Variants in FRMD4A observed in about 807,000 individuals in gnomAD.
FRMD4A encodes FERM domain-containing protein 4A.
A neutral mutation model predicts 129.1 loss-of-function variants in FRMD4A; 29 were observed. That is an observed-to-expected ratio of 0.22 (90% CI 0.17 to 0.31). FRMD4A has a LOEUF of 0.31. Ranked by LOEUF, FRMD4A falls within the 10% of genes least tolerant of loss-of-function variation. The probability of loss-of-function intolerance (pLI) is 1.00; values close to 1 mark genes in which losing one functional copy is unlikely to be tolerated. For missense variants in FRMD4A, 1,272 were observed against 1,375.8 expected (o/e 0.92, Z 1.19); for synonymous variants, 634 against 571.6 (o/e 1.11, Z -1.56).
intron 2 of FRMD4A, among the ~76,000 whole-genome samples, chr10:14,028,010 C>T (rs1464730308): frequency 6.6e-6 from 1 of 152,060 alleles, no homozygotes; most frequent in Non-Finnish European, 1.5e-5. Context: ...CTTGAAGATA[C>T]ATTCATACAA....
chr10:13,986,486 G>A (rs2095581677), intron 2 of FRMD4A, among the ~76,000 whole-genome samples: 1 of 121,992 alleles, frequency 8.2e-6, no homozygotes. Context: ...ATCACACTCT[G>A]GGAACTGTTG....
chr10:14,190,157 TG>T (rs1336385087), intron 2 of FRMD4A, among the ~76,000 whole-genome samples: 5 of 152,172 alleles, frequency 3.3e-5, no homozygotes, highest in Non-Finnish European at 7.3e-5. Flanking sequence ...AGAAAAACTG[TG>T]GAACAGATTC....
At chr10:13,920,297 C>T (rs568493027) in intron 2 of FRMD4A, among the ~76,000 whole-genome samples, 12 of 152,166 alleles carry the variant, frequency 7.9e-5, no homozygotes, top group Non-Finnish European at 1.6e-4. Flanking sequence ...CAATGCTATC[C>T]TCCCCAACTC....
intron 8 of FRMD4A, among the ~76,000 whole-genome samples, chr10:13,757,703 T>C (rs1419313442): frequency 6.6e-6 from 1 of 152,214 alleles, no homozygotes; most frequent in Non-Finnish European, 1.5e-5. Context: ...GTTGTCTTTA[T>C]ATAGTTCTCT....
chr10:13,698,836 A>G (rs1043549402), intron 14 of FRMD4A, among the ~76,000 whole-genome samples: 2 of 152,168 alleles, frequency 1.3e-5, no homozygotes, highest in African/African-American at 4.8e-5. Flanking sequence ...CAGGCTGGGG[A>G]ACTGGTTCCT....
chr10:13,933,386 T>A (rs1180009979), intron 2 of FRMD4A, among the ~76,000 whole-genome samples: 1 of 152,182 alleles, frequency 6.6e-6, no homozygotes, highest in Non-Finnish European at 1.5e-5. Context: ...AACGAGGCCC[T>A]TGAGCCCCTA....
intron 3 of FRMD4A, among the ~76,000 whole-genome samples, chr10:13,832,350 G>A (rs1260770556): frequency 1.3e-5 from 2 of 152,114 alleles, no homozygotes; most frequent in Non-Finnish European, 2.9e-5. Flanking sequence ...ACAGACCCTC[G>A]TGCTTCGTCC....
At chr10:14,252,744 C>A (rs183527177) in intron 2 of FRMD4A, among the ~76,000 whole-genome samples, 1 of 152,326 alleles carries the variant, frequency 6.6e-6, no homozygotes, top group East Asian at 1.9e-4. Flanking sequence ...ACAAGAAGTG[C>A]CTTAAGGGGA....
intron 15 of FRMD4A, chr10:13,684,872 A>G (rs74854905): frequency 3.2e-5 from 4 of 126,020 alleles, no homozygotes; most frequent in African/African-American, 1.6e-4. Context: ...GACCTTAGAG[A>G]AAAAAAAAAA....
At chr10:14,126,533 C>A (rs1838851459) in intron 2 of FRMD4A, among the ~76,000 whole-genome samples, 2 of 152,150 alleles carry the variant, frequency 1.3e-5, no homozygotes, top group South Asian at 2.1e-4. Flanking sequence ...TAGGCACTAG[C>A]AATACCTTGG....
intron 2 of FRMD4A, among the ~76,000 whole-genome samples, chr10:14,281,410 C>T (rs1408821249): frequency 4.6e-5 from 7 of 152,304 alleles, no homozygotes; most frequent in East Asian, 3.9e-4. Context: ...CTGTTTATGC[C>T]GCAAGGCAAG....
intron 2 of FRMD4A, among the ~76,000 whole-genome samples, chr10:13,923,627 A>G (rs1015199074): frequency 1.3e-5 from 2 of 152,256 alleles, no homozygotes; most frequent in African/African-American, 2.4e-5. Context: ...CAGCTATACC[A>G]CATGTAATGC....
chr10:13,724,194 C>T (rs1197080219), intron 12 of FRMD4A, among the ~76,000 whole-genome samples: 1 of 152,194 alleles, frequency 6.6e-6, no homozygotes, highest in Admixed American at 6.5e-5. Flanking sequence ...CGAGACCATC[C>T]TGGCTAACAT....
intron 2 of FRMD4A, among the ~76,000 whole-genome samples, chr10:13,967,802 CTGGG>C (rs2095494444): frequency 6.6e-6 from 1 of 152,244 alleles, no homozygotes; most frequent in African/African-American, 2.4e-5. Flanking sequence ...TGCCAGCACT[CTGGG>C]AGGATGGGGC....
At chr10:13,672,858 G>A (rs1316881495) in intron 16 of FRMD4A, among the ~76,000 whole-genome samples, 1 of 152,214 alleles carries the variant, frequency 6.6e-6, no homozygotes, top group Non-Finnish European at 1.5e-5. Context: ...AGGCTATGGT[G>A]GGACTAACTA....
intron 2 of FRMD4A, among the ~76,000 whole-genome samples, chr10:13,897,918 C>A (rs2094776231): frequency 8.1e-6 from 1 of 122,832 alleles, no homozygotes; most frequent in African/African-American, 3.2e-5. Context: ...GCCTGGGTGA[C>A]AGACAGAGAC....
intron 2 of FRMD4A, among the ~76,000 whole-genome samples, chr10:14,029,677 T>G (rs1833144712): frequency 6.6e-6 from 1 of 152,180 alleles, no homozygotes; most frequent in Non-Finnish European, 1.5e-5. Flanking sequence ...AGTTACCTAT[T>G]TTCATGCCTG....
intron 2 of FRMD4A, among the ~76,000 whole-genome samples, chr10:13,978,223 G>T (rs535435544): frequency 2.0e-5 from 3 of 152,144 alleles, no homozygotes; most frequent in Non-Finnish European, 4.4e-5. Flanking sequence ...ATTCTATGAC[G>T]TGGCCTTTGG....
chr10:13,783,067 T>A, intron 5 of FRMD4A, 61 bp from the exon 6 acceptor site: 1 of 764,636 alleles, frequency 1.3e-6, no homozygotes, highest in Non-Finnish European at 2.4e-6. Flanking sequence ...TAAAGTGCTC[T>A]CTTGAGCTAC....
Sources: gnomAD v4.1 joint callset for allele counts (sites outside exome capture counted in the v4.1 genomes callset) on GRCh38, gnomAD v4.1.1 for gene constraint, MANE v1.5 for transcripts, NCBI Gene and HGNC (gene_info 2026-07-23, HGNC 2026-07-21) for gene names.